The following MITF variants were observed in gnomAD, a reference collection of about 807,000 sequenced individuals.
MITF encodes melanocyte inducing transcription factor.
MITF carries 17 observed loss-of-function variants against 60.5 expected under a neutral mutation model. That is an observed-to-expected ratio of 0.28 (90% confidence interval 0.19 to 0.42). MITF has a LOEUF of 0.42. Among genes scored for constraint, MITF ranks in the 10% least tolerant of loss-of-function variants. The pLI, the probability that MITF is intolerant of heterozygous loss-of-function variation, is 1.00. For synonymous variants in MITF, 260 were observed against 248.5 expected (o/e 1.05, Z -0.43); for missense variants, 622 against 683.5 (o/e 0.91, Z 1.00).
At chr3:69,901,195 C>T (rs1457265292) in intron 2 of MITF, among the ~76,000 whole-genome samples, 2 of 134,766 alleles carry the variant, frequency 1.5e-5, no homozygotes, top group African/African-American at 2.8e-5. Flanking sequence ...TCAGGGATAA[C>T]GAACCAGTGT....
At chr3:69,788,437 C>T (rs1436771466) in intron 1 of MITF, among the ~76,000 whole-genome samples, 4 of 151,886 alleles carry the variant, frequency 2.6e-5, no homozygotes, top group Admixed American at 2.6e-4. Flanking sequence ...AGAGAAGCCA[C>T]GATACTTTGA....
At chr3:69,810,128 C>G (rs1478147917) in intron 1 of MITF, among the ~76,000 whole-genome samples, 2 of 152,126 alleles carry the variant, frequency 1.3e-5, no homozygotes, top group African/African-American at 2.4e-5. Context: ...GGTCCTCTGT[C>G]CTGAGCCTCA....
intron 2 of MITF, among the ~76,000 whole-genome samples, chr3:69,880,895 G>C (rs1222936395): frequency 3.3e-5 from 5 of 151,962 alleles, no homozygotes. Flanking sequence ...TGGGCTACTA[G>C]TGGGTTATAT....
At chr3:69,874,383 A>G (rs1264161582) in intron 1 of MITF, among the ~76,000 whole-genome samples, 1 of 152,212 alleles carries the variant, frequency 6.6e-6, no homozygotes, top group African/African-American at 2.4e-5. Context: ...CTTGTATCCA[A>G]AAGAAGAAGC....
chr3:69,934,857 G>A (rs2065797371), intron 2 of MITF, among the ~76,000 whole-genome samples: 2 of 152,258 alleles, frequency 1.3e-5, no homozygotes, highest in African/African-American at 4.8e-5. Flanking sequence ...GTAGTTTGTG[G>A]GCCGAGGCTT....
At chr3:69,837,309 C>T (rs893978704) in intron 1 of MITF, among the ~76,000 whole-genome samples, 1 of 152,214 alleles carries the variant, frequency 6.6e-6, no homozygotes, top group African/African-American at 2.4e-5. Context: ...GTCCACTTGA[C>T]ACTGCCTTTG....
chr3:69,741,347 A>AGT (rs1003424010), intron 1 of MITF, among the ~76,000 whole-genome samples: 5 of 152,222 alleles, frequency 3.3e-5, no homozygotes, highest in African/African-American at 1.2e-4. Flanking sequence ...TGAGGGAATG[A>AGT]GTGTGTGTGT....
Position 69,959,391 on chromosome 3 carries a change from G to A in MITF, c.1150G>A (p.Ala384Thr), listed in dbSNP as rs202020443. The A allele has an allele frequency of 1.1e-4, 175 of 1,613,790 alleles. 1 individual carries two copies. The Middle Eastern group carries it at 1.2e-3, about 11-fold the overall frequency. ...LENRQKKLEH[A>T]NRHLLLRIQE... ...AAACCGACAGAAGAAACTGGAGCAC[G>A]CCAACCGGCATTTGTTGCTCAGAAT... Residue 384 changes from alanine to threonine, a missense_variant, in exon 9 of 10, where the codon GCC becomes ACC. This residue lies in a region of MITF where 224 missense variants were observed against 209.5 expected (regional missense o/e 1.07). Coordinates refer to ENST00000352241, the MANE Select transcript of MITF (RefSeq NM_001354604.2).
chr3:69,851,112 C>A (rs1199633570), intron 1 of MITF, among the ~76,000 whole-genome samples: 2 of 152,090 alleles, frequency 1.3e-5, no homozygotes, highest in African/African-American at 4.8e-5. Context: ...CAAGAAGGAA[C>A]CTTTGGAAAG....
chr3:69,854,496 T>C (rs1354532814), intron 1 of MITF, among the ~76,000 whole-genome samples: 1 of 152,228 alleles, frequency 6.6e-6, no homozygotes, highest in Non-Finnish European at 1.5e-5. Flanking sequence ...TTATACTATA[T>C]TGAGTTTTTA....
rs751890826 is a variant in MITF, at chr3:69,965,046, A to T, written c.1379A>T (p.Asn460Ile). Residue 460 changes from asparagine (N) to isoleucine (I), a missense_variant, in exon 10 of 10, where the codon AAC becomes ATC. Asn to Ile is a moderately radical substitution (Grantham distance 149). Around this residue, in one of 5 missense-constraint regions of MITF, gnomAD observed 224 missense variants for 209.5 expected, o/e 1.07. Transcript: ENST00000352241. The stretch of plus-strand genomic sequence containing the variant: ...GATGGCACCATCACCTTCAACAACA[A>T]CCTCGGAACTGGGACTGAGGCCAAC... ...LTDGTITFNNNLGTGTEANQA... is the reference protein window; with the variant it reads ...LTDGTITFNNILGTGTEANQA... The T allele has an allele frequency of 1.9e-6, 3 of 1,613,894 alleles. No homozygotes were observed. In the Admixed American group the frequency reaches 5.0e-5, roughly 27 times the overall value.
intron 1 of MITF, among the ~76,000 whole-genome samples, chr3:69,761,935 A>T (rs1048882920): frequency 2.6e-5 from 4 of 152,172 alleles, no homozygotes; most frequent in African/African-American, 9.6e-5. Flanking sequence ...AGCTCATAAC[A>T]TCTGGATGTT....
intron 1 of MITF, among the ~76,000 whole-genome samples, chr3:69,877,877 A>C (rs944775914): frequency 6.6e-6 from 1 of 152,204 alleles, no homozygotes; most frequent in African/African-American, 2.4e-5. Flanking sequence ...CTTACCTCGA[A>C]GCATGACTTT....
chr3:69,956,530 C>T lies in MITF; in HGVS notation c.1031C>T (p.Pro344Leu), dbSNP rs756923654. The change falls in exon 8 of 10, where the codon CCA becomes CTA. Residue 344 changes from proline (P) to leucine (L), a missense_variant and splice_region_variant. Around this residue, in one of 5 missense-constraint regions of MITF, gnomAD observed 31 missense variants for 74.8 expected, o/e 0.41. Coordinates refer to ENST00000352241, the MANE Select transcript of MITF (RefSeq NM_001354604.2). ...ACTTTGATTCCCAAGTCAAATGATC[C>T]GTGAGTACAATCGCGTGTTAATCTG... is the stretch of plus-strand genomic sequence containing the variant. ...LGTLIPKSND[P>L]DMRWNKGTIL... is the part of the protein sequence containing the mutation. 3.0e-5 allele frequency: 49 copies of T among 1,607,714 alleles called. No homozygotes were observed. The Middle Eastern group carries it at 1.2e-3, about 38-fold the overall frequency.
Position 69,739,601 on chromosome 3 carries a change from C to A in MITF, c.4C>A (p.Gln2Lys). 1.3e-6 allele frequency: 2 copies of A among 1,572,080 alleles called. No individual in the cohort carries two copies. Among genetic ancestry groups the A allele is most frequent in the Non-Finnish European group, 1.7e-6 (2 of 1,156,664 alleles). The change falls in exon 1 of 10, where the codon CAG becomes AAG. Residue 2 changes from glutamine to lysine, a missense_variant. Gln to Lys is a moderately conservative substitution (Grantham distance 53). Around this residue, in one of 5 missense-constraint regions of MITF, gnomAD observed 149 missense variants for 157.8 expected, o/e 0.94. Coordinates refer to ENST00000352241, the MANE Select transcript of MITF (RefSeq NM_001354604.2). M[Q>K]SESGIVPDFE... is the part of the protein sequence containing the mutation. The stretch of plus-strand genomic sequence containing the variant: ...GGAAGGACGGGAAGCGGGAGCCATG[C>A]AGTCCGAATCGGGGATCGTGCCGGA...
chr3:69,967,761 A>T lies in MITF; in HGVS notation c.*2513A>T. ...AGAGTGTGGATTCATTTCAGGGGCT[A>T]GCTAAGCCAAGAGGCAGTGGTTTGG... On this transcript the variant is annotated 3_prime_UTR_variant, in exon 10 of 10. Coordinates refer to ENST00000352241, the MANE Select transcript of MITF (RefSeq NM_001354604.2). 4.3e-6 allele frequency: 1 copy of T among 233,040 alleles called. No homozygotes were observed. Among genetic ancestry groups the T allele is most frequent in the Non-Finnish European group, 8.5e-6 (1 of 117,928 alleles). 14.4% of individuals were successfully genotyped at this position (233,040 alleles called of 1,614,324 possible). A position where few individuals can be genotyped will look rare whatever the true frequency, so the allele number is the denominator to read the frequency against.
chr3:69,769,295 C>T (rs1271674866), intron 1 of MITF, among the ~76,000 whole-genome samples: 1 of 152,080 alleles, frequency 6.6e-6, no homozygotes, highest in African/African-American at 2.4e-5. Flanking sequence ...TGAGATTATG[C>T]ACACATAGGG....
At chr3:69,794,063 G>T (rs2062788430) in intron 1 of MITF, among the ~76,000 whole-genome samples, 1 of 152,192 alleles carries the variant, frequency 6.6e-6, no homozygotes, top group African/African-American at 2.4e-5. Flanking sequence ...ATAGGAGGCA[G>T]TGGCATCCAG....
intron 2 of MITF, among the ~76,000 whole-genome samples, chr3:69,917,463 A>G (rs2065361522): frequency 7.1e-6 from 1 of 141,644 alleles, no homozygotes; most frequent in Admixed American, 7.7e-5. Context: ...TGGTTCATTC[A>G]TGGTATGGTG....
Sources: allele counts gnomAD v4.1 joint callset (sites outside exome capture counted in the v4.1 genomes callset), GRCh38; gene constraint gnomAD v4.1.1; regional missense constraint gnomAD v4.1.1; transcripts MANE v1.5; gene names NCBI Gene and HGNC (gene_info 2026-07-23, HGNC 2026-07-21).